The following CDH2 variants were observed in gnomAD, a reference collection of about 807,000 sequenced individuals.
CDH2 encodes the protein cadherin 2.
Under a neutral mutation model 92.0 loss-of-function variants are expected in CDH2, and 17 were observed. The observed-to-expected ratio is 0.18, with a 90% CI of 0.13 to 0.28. The LOEUF (loss-of-function observed/expected upper bound fraction) is 0.28, where lower values mean the gene tolerates loss of function less well. Among genes scored for constraint, CDH2 ranks in the 10% least tolerant of loss-of-function variants. The probability of loss-of-function intolerance (pLI) is 1.00; values close to 1 mark genes in which losing one functional copy is unlikely to be tolerated. For missense variants in CDH2, 862 were observed against 1,133.1 expected (o/e 0.76, Z 3.44); for synonymous variants, 419 against 415.9 (o/e 1.01, Z -0.09).
At chr18:27,940,111 TC>T (rs1252110610) in intron 6 of CDH2, among the ~76,000 whole-genome samples, 1 of 152,236 alleles carries the variant, frequency 6.6e-6, no homozygotes, top group Non-Finnish European at 1.5e-5. Flanking sequence ...TCTTTCCCTT[TC>T]TTTCCACAAA....
intron 5 of CDH2, among the ~76,000 whole-genome samples, chr18:28,006,413 A>C (rs1252958538): frequency 6.6e-6 from 1 of 152,066 alleles, no homozygotes; most frequent in East Asian, 1.9e-4. Flanking sequence ...GACAGACTTA[A>C]GGTAATTAAA....
chr18:28,086,153 T>C (rs957845478), intron 2 of CDH2, among the ~76,000 whole-genome samples: 3 of 152,136 alleles, frequency 2.0e-5, no homozygotes, highest in Admixed American at 2.0e-4. Context: ...AACAACCTAG[T>C]TTGCAATTGA....
intron 1 of CDH2, among the ~76,000 whole-genome samples, chr18:28,154,954 T>C (rs1598513999): frequency 6.6e-6 from 1 of 152,360 alleles, no homozygotes; most frequent in East Asian, 1.9e-4. Flanking sequence ...AACTCTTAAA[T>C]GTAATCCATT....
At chr18:28,126,207 G>A (rs1423376169) in intron 2 of CDH2, among the ~76,000 whole-genome samples, 2 of 152,018 alleles carry the variant, frequency 1.3e-5, no homozygotes, top group Non-Finnish European at 2.9e-5. Flanking sequence ...ATGACTGTTC[G>A]CTATATATTA....
Position 27,969,783 on chromosome 18 carries a change from G to T in CDH2, c.2350-6262C>A, listed in dbSNP as rs146404575. Among the ~76,000 whole-genome samples, 78 of 152,290 alleles carry T rather than the reference G, an allele frequency of 5.1e-4. No individual in the cohort carries two copies. In the Middle Eastern group the frequency reaches 0.017, roughly 33 times the overall value. On this transcript the variant is annotated intron_variant, in intron 14 of 15. Coordinates refer to ENST00000269141, the MANE Select transcript of CDH2 (RefSeq NM_001792.5). Reference sequence around the variant, plus strand: ...TGTAATCCCAGCTCTTTGGGAGGCCGAGGCGGGTGGATCACTTGAGGTCAG... The same window carrying T: ...TGTAATCCCAGCTCTTTGGGAGGCCTAGGCGGGTGGATCACTTGAGGTCAG...
chr18:28,153,841 G>A (rs1305694350), intron 1 of CDH2, among the ~76,000 whole-genome samples: 1 of 152,096 alleles, frequency 6.6e-6, no homozygotes, highest in Non-Finnish European at 1.5e-5. Context: ...TAATACTATT[G>A]GGGCAACACG....
At chr18:28,032,741 G>A (rs1360216514) in intron 2 of CDH2, among the ~76,000 whole-genome samples, 1 of 152,006 alleles carries the variant, frequency 6.6e-6, no homozygotes, top group Non-Finnish European at 1.5e-5. Context: ...TAAGTTTCCT[G>A]GTCACATTGA....
chr18:28,122,330 T>A (rs1410039312), intron 2 of CDH2, among the ~76,000 whole-genome samples: 1 of 152,144 alleles, frequency 6.6e-6, no homozygotes, highest in Admixed American at 6.6e-5. Context: ...AAAGCAAGAC[T>A]ATTTCTATTC....
Position 28,006,563 on chromosome 18 carries a change from C to G in CDH2, c.703-570G>C, listed in dbSNP as rs1389573658. Among the ~76,000 whole-genome samples, 4 of 137,234 alleles carry G rather than the reference C, an allele frequency of 2.9e-5. No homozygotes were observed. The East Asian group carries it at 8.4e-4, about 29-fold the overall frequency. 90.0% of individuals were successfully genotyped at this position (137,234 alleles called of 152,430 possible). A position where few individuals can be genotyped will look rare whatever the true frequency, so the allele number is the denominator to read the frequency against. On this transcript the variant is annotated intron_variant, in intron 5 of 15. Coordinates refer to ENST00000269141, the MANE Select transcript of CDH2 (RefSeq NM_001792.5). ...CGAAACCCCGTCTCTACTAAAAATA[C>G]AAAAAAAAAAAAATTAGCTGGGCCT... is the stretch of plus-strand genomic sequence containing the variant.
intron 2 of CDH2, among the ~76,000 whole-genome samples, chr18:28,046,659 A>T (rs1278505336): frequency 1.3e-5 from 2 of 152,212 alleles, no homozygotes; most frequent in Non-Finnish European, 2.9e-5. Context: ...GACCTGAATA[A>T]AATCTATGTA....
intron 2 of CDH2, among the ~76,000 whole-genome samples, chr18:28,022,916 A>T (rs2144061638): frequency 6.6e-6 from 1 of 152,112 alleles, no homozygotes; most frequent in East Asian, 1.9e-4. Flanking sequence ...AAGTTCATTC[A>T]GGTGCTCCAA....
At chr18:28,005,592 C>G (rs948137614) in intron 6 of CDH2, among the ~76,000 whole-genome samples, 7 of 152,148 alleles carry the variant, frequency 4.6e-5, no homozygotes, top group Middle Eastern at 3.4e-3. Context: ...TTCCACAGGA[C>G]AGAATCAAAT....
intron 14 of CDH2, among the ~76,000 whole-genome samples, chr18:27,967,818 C>T (rs1041166327): frequency 1.3e-5 from 2 of 152,150 alleles, no homozygotes; most frequent in African/African-American, 4.8e-5. Flanking sequence ...GTTAGCATGA[C>T]TTGCAATGAT....
rs965703916 is a variant in CDH2, at chr18:28,177,128, G to A, written c.-106C>T. ...AGCACCAACAGCGGCGCGGAGAAACGGCTCCAGGCAGTTTCCACCCCCTTC... is the reference window on the plus strand; with the variant it reads ...AGCACCAACAGCGGCGCGGAGAAACAGCTCCAGGCAGTTTCCACCCCCTTC... On this transcript the variant is annotated 5_prime_UTR_variant, in exon 1 of 16. Coordinates refer to ENST00000269141, the MANE Select transcript of CDH2 (RefSeq NM_001792.5). The A allele has an allele frequency of 9.1e-6, 7 of 766,612 alleles. No individual in the cohort carries two copies. Among genetic ancestry groups the A allele is most frequent in the Middle Eastern group, 4.0e-4 (1 of 2,490 alleles). The allele number at this position is 766,612 out of a possible 1,614,324, so 47.5% of individuals were successfully genotyped here. A position where few individuals can be genotyped will look rare whatever the true frequency, so the allele number is the denominator to read the frequency against.
chr18:27,991,921 GTTCAC>G (rs776604150), intron 9 of CDH2, among the ~76,000 whole-genome samples: 43 of 152,220 alleles, frequency 2.8e-4, no homozygotes, highest in Non-Finnish European at 5.6e-4. Context: ...AGGAAGGGAT[GTTCAC>G]TTTAACAGGC....
At chr18:28,002,307 T>A (rs1025318078) in intron 7 of CDH2, among the ~76,000 whole-genome samples, 5 of 152,180 alleles carry the variant, frequency 3.3e-5, no homozygotes, top group African/African-American at 9.6e-5. Context: ...AACACTGAGA[T>A]GGCCCACTGG....
intron 1 of CDH2, among the ~76,000 whole-genome samples, chr18:28,160,685 C>T (rs1393602324): frequency 6.6e-6 from 1 of 152,178 alleles, no homozygotes; most frequent in African/African-American, 2.4e-5. Flanking sequence ...ACCTGTTCCA[C>T]CAGTCAACCA....
At chr18:27,978,247 AAAAC>A (rs45578231) in intron 14 of CDH2, among the ~76,000 whole-genome samples, 45,752 of 151,904 alleles carry the variant, frequency 0.3, 7,337 homozygotes, top group East Asian at 0.44. Context: ...CAAAAATCTA[AAAAC>A]AAACAAACTT....
chr18:27,977,104 G>A (rs543648418), intron 14 of CDH2, among the ~76,000 whole-genome samples: 9 of 152,232 alleles, frequency 5.9e-5, no homozygotes, highest in Middle Eastern at 3.4e-3. Flanking sequence ...AGCAAAAAAA[G>A]CCCTGCTGTT....
Sources: allele counts gnomAD v4.1 joint callset (sites outside exome capture counted in the v4.1 genomes callset), GRCh38; gene constraint gnomAD v4.1.1; transcripts MANE v1.5; gene names NCBI Gene and HGNC (gene_info 2026-07-23, HGNC 2026-07-21).